Variants in DOCK8 observed in about 807,000 individuals in gnomAD.
DOCK8 encodes the protein dedicator of cytokinesis 8.
A neutral mutation model predicts 245.6 loss-of-function variants in DOCK8; 141 were observed. That is an observed-to-expected ratio of 0.57 (90% CI 0.50 to 0.66). DOCK8 has a LOEUF of 0.66. DOCK8 is among the 30% of genes least tolerant of loss of function. DOCK8 has a pLI of 0.00. For missense variants in DOCK8, 2,965 were observed against 2,603.4 expected (o/e 1.14, Z -3.02); for synonymous variants, 1,168 against 970.2 (o/e 1.20, Z -3.79).
rs770812549 is a variant in DOCK8, at chr9:372,197, C to G, written c.2020C>G (p.Leu674Val). 13 of 1,613,890 alleles carry G rather than the reference C, an allele frequency of 8.1e-6. No individual in the cohort carries two copies. The East Asian group carries it at 2.7e-4, about 33-fold the overall frequency. Reference protein sequence around the residue: ...TLLGYSWLPILLNERLQTGSY... With the variant: ...TLLGYSWLPIVLNERLQTGSY... ...TCATCTGTTTCAGTGGCTGCCAATT[C>G]TCTTAAATGAACGTCTTCAAACTGG... Residue 674 changes from leucine (L) to valine (V), a missense_variant, in exon 18 of 48, where the codon CTC becomes GTC. This residue lies in a region of DOCK8 where 2,825 missense variants were observed against 2,453.5 expected (regional missense o/e 1.15). Transcript: ENST00000432829.
intron 9 of DOCK8, among the ~76,000 whole-genome samples, chr9:332,040 C>A (rs754522833): frequency 6.6e-6 from 1 of 152,096 alleles, no homozygotes; most frequent in Non-Finnish European, 1.5e-5. Flanking sequence ...TATAAAATAA[C>A]TTTTATTGCT....
intron 4 of DOCK8, among the ~76,000 whole-genome samples, chr9:300,965 A>G (rs2049516769): frequency 1.3e-5 from 2 of 152,342 alleles, no homozygotes; most frequent in African/African-American, 4.8e-5. Flanking sequence ...AAATTCAAGG[A>G]GGAAGGACTC....
In DOCK8 at chr9:422,814, G is replaced by A. The variant is rs530310486; in HGVS notation, c.4241+679G>A. Among the ~76,000 whole-genome samples, 13 of 152,062 alleles carry A rather than the reference G, an allele frequency of 8.5e-5. No individual in the cohort carries two copies. The South Asian group carries it at 1.5e-3, about 17-fold the overall frequency. ...AGCCTGGCCAACATGGTGAAACCCC[G>A]TCTCTACAAAAAATAGAAAAATTAG... On this transcript the variant is annotated intron_variant, in intron 33 of 47. Coordinates refer to ENST00000432829, the MANE Select transcript of DOCK8 (RefSeq NM_203447.4).
intron 16 of DOCK8, among the ~76,000 whole-genome samples, chr9:370,942 A>G (rs942138372): frequency 6.6e-6 from 1 of 152,220 alleles, no homozygotes; most frequent in Non-Finnish European, 1.5e-5. Flanking sequence ...TTACTTTACA[A>G]TGTACGTAAT....
At chr9:235,549 G>A (rs960429837) in intron 1 of DOCK8, among the ~76,000 whole-genome samples, 1 of 152,230 alleles carries the variant, frequency 6.6e-6, no homozygotes, top group Non-Finnish European at 1.5e-5. Context: ...GCTCCACCCA[G>A]TTCGAGCTTC....
In DOCK8 at chr9:399,160, G is replaced by A. The variant is rs771650333; in HGVS notation, c.3135G>A (p.Ala1045=). 1.5e-5 allele frequency: 24 copies of A among 1,613,806 alleles called. 1 individual carries two copies. The highest frequency in any genetic ancestry group is 4.0e-5 in the African/African-American group (3 of 74,924). ...TTGTTTTTAAGGAAAATGAACAGGC[G>A]GAAAAGATGAACATCAGCCTGGCTT... ...LVKPQKENEQ[A]EKMNISLAFF... is the part of the protein sequence containing the mutation. The change falls in exon 26 of 48, where the codon GCG becomes GCA. Residue 1045 remains alanine (A), a synonymous_variant. Transcript: ENST00000432829.
chr9:324,173 G>T (rs2050649718), intron 7 of DOCK8, among the ~76,000 whole-genome samples: 1 of 152,218 alleles, frequency 6.6e-6, no homozygotes, highest in Non-Finnish European at 1.5e-5. Context: ...TGCCCTGGGA[G>T]TCTGCCATGA....
Position 422,069 on chromosome 9 carries a change from T to C in DOCK8, c.4175T>C (p.Leu1392Pro), listed in dbSNP as rs1413014963. Residue 1392 changes from leucine (L) to proline (P), a missense_variant, in exon 33 of 48, where the codon CTA (leucine) becomes CCA (proline). By Grantham distance (98) the Leu-to-Pro change is moderately conservative. Coordinates refer to ENST00000432829, the MANE Select transcript of DOCK8 (RefSeq NM_203447.4). Reference protein sequence around the residue: ...RAPGNDRFPGLNENLRWKKEQ... With the variant: ...RAPGNDRFPGPNENLRWKKEQ... ...CTAGGGAACGACCGATTTCCAGGCC[T>C]AAATGAAAATTTGAGATGGAAGAAA... The C allele has an allele frequency of 6.2e-7, 1 of 1,614,140 alleles. No individual in the cohort carries two copies. Among genetic ancestry groups the C allele is most frequent in the Non-Finnish European group, 8.5e-7 (1 of 1,180,024 alleles).
At chr9:219,968 G>A (rs1286589851) in intron 1 of DOCK8, among the ~76,000 whole-genome samples, 1 of 152,220 alleles carries the variant, frequency 6.6e-6, no homozygotes, top group African/African-American at 2.4e-5. Context: ...AGAGCTTTCT[G>A]AGAAGTATTT....
chr9:420,053 A>G (rs1403241240), intron 30 of DOCK8: 4 of 356,174 alleles, frequency 1.1e-5, no homozygotes, highest in African/African-American at 8.3e-5. Context: ...GCAGCATGAA[A>G]GCCTCTTTGT....
At chr9:448,833 A>G (rs530143300) in intron 44 of DOCK8, among the ~76,000 whole-genome samples, 3 of 152,350 alleles carry the variant, frequency 2.0e-5, no homozygotes, top group East Asian at 3.9e-4. Context: ...GGACTTCGAC[A>G]TATACATTTT....
chr9:389,244 A>G (rs142878806), intron 23 of DOCK8, among the ~76,000 whole-genome samples: 105 of 152,352 alleles, frequency 6.9e-4, no homozygotes, highest in African/African-American at 2.5e-3. Flanking sequence ...TTCCTCATCA[A>G]AATGATTGTC....
rs770042223 is a variant in DOCK8 at position 287,077 on chromosome 9, C to G, written c.332+441C>G. On this transcript the variant is annotated intron_variant, in intron 3 of 47. Coordinates refer to ENST00000432829, the MANE Select transcript of DOCK8 (RefSeq NM_203447.4). ...ATTGCTTACAGTTATGAGACTGGAT[C>G]AAGTTAGAAACATAAGGTAAACCCA... Among the ~76,000 whole-genome samples the G allele has an allele frequency of 3.3e-5, 5 of 152,284 alleles. No individual in the cohort carries two copies. The East Asian group carries it at 7.7e-4, about 23-fold the overall frequency.
At chr9:373,643 T>G (rs1242952681) in intron 18 of DOCK8, among the ~76,000 whole-genome samples, 3 of 152,238 alleles carry the variant, frequency 2.0e-5, no homozygotes, top group Non-Finnish European at 2.9e-5. Context: ...TCCAGTCAAC[T>G]TTCTTCTCTG....
chr9:448,657 T>A (rs756518728), intron 44 of DOCK8, among the ~76,000 whole-genome samples: 1 of 152,184 alleles, frequency 6.6e-6, no homozygotes, highest in Non-Finnish European at 1.5e-5. Context: ...TCTCCCTGTG[T>A]CTCTTCACAT....
intron 5 of DOCK8, among the ~76,000 whole-genome samples, chr9:311,108 A>T (rs889630720): frequency 6.6e-6 from 1 of 152,064 alleles, no homozygotes; most frequent in African/African-American, 2.4e-5. Flanking sequence ...CAATATGGTG[A>T]AACCCTATCT....
At chr9:372,310 C>G (rs773144472) in intron 18 of DOCK8, 24 bp downstream of exon 18, 2 of 1,581,100 alleles carry the variant, frequency 1.3e-6, no homozygotes, top group East Asian at 2.2e-5. Context: ...TGGCCATCAG[C>G]TGTTTCTTGT....
intron 33 of DOCK8, among the ~76,000 whole-genome samples, chr9:425,212 A>C (rs1476338042): frequency 6.6e-6 from 1 of 152,110 alleles, no homozygotes; most frequent in Non-Finnish European, 1.5e-5. Context: ...TAAATTTAAA[A>C]CTAAACTAGC....
intron 2 of DOCK8, among the ~76,000 whole-genome samples, chr9:282,413 GTT>G (rs58014606): frequency 3.0e-5 from 4 of 131,740 alleles, no homozygotes; most frequent in African/African-American, 2.8e-5. Flanking sequence ...GTTTCGTTTT[GTT>G]TTTTTTTTTT....
Sources: gnomAD v4.1 joint callset for allele counts (sites outside exome capture counted in the v4.1 genomes callset) on GRCh38, gnomAD v4.1.1 for gene constraint, gnomAD v4.1.1 regional missense constraint, MANE v1.5 for transcripts, NCBI Gene and HGNC (gene_info 2026-07-23, HGNC 2026-07-21) for gene names.